CLDN2: variants seen among roughly 807,000 people sequenced by gnomAD.
CLDN2 encodes claudin 2, also known as claudin-2.
A neutral mutation model predicts 8.2 loss-of-function variants in CLDN2; 1 was observed. The observed-to-expected ratio is 0.12, with a 90% confidence interval of 0.04 to 0.58. The LOEUF (loss-of-function observed/expected upper bound fraction) is 0.58. CLDN2 is among the 20% of genes least tolerant of loss of function. The pLI is 0.90. For missense variants in CLDN2, 108 were observed against 172.9 expected (o/e 0.62, Z 2.11); for synonymous variants, 70 against 70.2 (o/e 1.00, Z 0.01).
At chrX:106,912,143 T>G (rs769077723) in intron 1 of CLDN2, among the ~76,000 whole-genome samples, 4 of 109,961 alleles carry the variant, frequency 3.6e-5, no homozygotes, top group African/African-American at 1.3e-4. Flanking sequence ...CTAAGCATAA[T>G]TAAAATTTCA....
At position 106,928,111 on chromosome X, in the gene CLDN2, A is replaced by G. The variant is rs1187775552; in HGVS notation, c.-118A>G. 7.5e-6 allele frequency: 4 copies of G among 529,834 alleles called. No individual in the cohort carries two copies. Among genetic ancestry groups the G allele is most frequent in the Non-Finnish European group, 1.2e-5 (4 of 331,892 alleles). 43.7% of individuals were successfully genotyped at this position (529,834 alleles called of 1,213,427 possible). The stretch of plus-strand genomic sequence containing the variant: ...ACCCACAGACACTTGTAAGGAGGAG[A>G]GAAGTCAGCCTGGCAGAGAGACTCT... On this transcript the variant is annotated 5_prime_UTR_variant, in exon 2 of 2. Transcript: ENST00000336803.
At chrX:106,905,061 A>G (rs1412124100) in intron 1 of CLDN2, among the ~76,000 whole-genome samples, 1 of 112,521 alleles carries the variant, frequency 8.9e-6, no homozygotes, top group Non-Finnish European at 1.9e-5. Context: ...ATAAAAATAA[A>G]CCAACAAAGA....
chrX:106,915,523 G>C (rs897300416), upstream of CLDN2, among the ~76,000 whole-genome samples: 1 of 112,457 alleles, frequency 8.9e-6, no homozygotes, highest in African/African-American at 3.2e-5. Flanking sequence ...CAAAGAATAA[G>C]TCCGGAATTA....
At position 106,901,931 on chromosome X, in the gene CLDN2, C is replaced by T. The variant is rs1933105886; in HGVS notation, c.-179+1427C>T. Among the ~76,000 whole-genome samples the T allele has an allele frequency of 8.9e-6, 1 of 112,045 alleles. No individual in the cohort carries two copies. Among genetic ancestry groups the T allele is most frequent in the Non-Finnish European group, 1.9e-5 (1 of 53,177 alleles). On this transcript the variant is annotated intron_variant, in intron 1 of 1. Transcript: ENST00000541806. ...TGTGGGGCCTGCCCAGATCCCTTGC[C>T]CACTCTGAGCTTTGGTCTCCTCATC... is the stretch of plus-strand genomic sequence containing the variant.
At chrX:106,926,987 G>A (rs1199897967) in intron 1 of CLDN2, among the ~76,000 whole-genome samples, 1 of 109,694 alleles carries the variant, frequency 9.1e-6, no homozygotes, top group Non-Finnish European at 1.9e-5. Context: ...TGGGGCTGAG[G>A]CAGGAGGATC....
At chrX:106,917,992 C>T (rs1351631685), upstream of CLDN2, among the ~76,000 whole-genome samples, 1 of 111,443 alleles carries the variant, frequency 9.0e-6, no homozygotes, top group Non-Finnish European at 1.9e-5. Context: ...CTGAAGGAAA[C>T]ACAGTGTTAG....
intron 1 of CLDN2, among the ~76,000 whole-genome samples, chrX:106,921,226 G>C (rs1933388394): frequency 8.9e-6 from 1 of 112,246 alleles, no homozygotes; most frequent in Non-Finnish European, 1.9e-5. Flanking sequence ...TTACTTTGAT[G>C]ATCAGGACAA....
upstream of CLDN2, chrX:106,920,331 C>T (rs1208238455): frequency 9.5e-6 from 1 of 105,344 alleles, no homozygotes; most frequent in Non-Finnish European, 1.9e-5. Context: ...TTCTAAAGTG[C>T]CTCAATCTTT....
At chrX:106,901,381 A>G (rs1602451274) in intron 1 of CLDN2, 1 of 878,333 alleles carries the variant, frequency 1.1e-6, no homozygotes, top group East Asian at 3.1e-5. Context: ...ATAGATAGCA[A>G]TTCCTCCCCT....
intron 1 of CLDN2, among the ~76,000 whole-genome samples, chrX:106,927,063 C>G (rs895445201): frequency 1.1e-4 from 12 of 111,214 alleles, no homozygotes; most frequent in African/African-American, 3.6e-4. Flanking sequence ...AGCCTGGGTG[C>G]CAAAGTGAGA....
chrX:106,927,997 G>A (rs1933493031), intron 1 of CLDN2, 54 bp from the exon 2 acceptor site: 2 of 323,651 alleles, frequency 6.2e-6, no homozygotes, highest in Non-Finnish European at 1.1e-5. Context: ...AGCGTTTTCT[G>A]GTTTCTCATA....
chrX:106,902,156 C>T, intron 1 of CLDN2: 1 of 1,194,964 alleles, frequency 8.4e-7, no homozygotes, highest in Non-Finnish European at 1.1e-6. Context: ...CACCAGCTTC[C>T]TCATCTGCCT....
chrX:106,906,438 C>T (rs752395260), intron 1 of CLDN2, among the ~76,000 whole-genome samples: 6 of 111,498 alleles, frequency 5.4e-5, no homozygotes, highest in Non-Finnish European at 1.1e-4. Context: ...GAGCATGTTC[C>T]CTTGTCAAGG....
chrX:106,917,075 C>T (rs1317612012), upstream of CLDN2, among the ~76,000 whole-genome samples: 2 of 111,968 alleles, frequency 1.8e-5, no homozygotes, highest in Non-Finnish European at 3.8e-5. Context: ...CAACTTTCAG[C>T]TATCCAAATG....
intron 1 of CLDN2, among the ~76,000 whole-genome samples, chrX:106,909,191 C>T (rs975297289): frequency 4.5e-5 from 5 of 112,175 alleles, no homozygotes; most frequent in East Asian, 2.8e-4. Flanking sequence ...AAGCACTCTG[C>T]GTGAATTAAT....
intron 1 of CLDN2, among the ~76,000 whole-genome samples, chrX:106,921,528 C>T (rs1226457833): frequency 8.9e-6 from 1 of 111,801 alleles, no homozygotes. Context: ...TCATCACCCC[C>T]AGAAGGCCAC....
rs772560741 is a variant in CLDN2 at position 106,900,712 on chromosome X, C to T, written c.-179+208C>T. On this transcript the variant is annotated intron_variant, in intron 1 of 1. Transcript: ENST00000541806. ...GCGCTGTAGGGTATGGACCCTGGTA[C>T]CCTCACACACCCTTCTGGCCCCTTT... 12 of 1,176,560 alleles carry T rather than the reference C, an allele frequency of 1.0e-5. No individual in the cohort carries two copies. The African/African-American group carries it at 2.1e-4, about 21-fold the overall frequency.
At chrX:106,919,204 T>G (rs1933354523), upstream of CLDN2, among the ~76,000 whole-genome samples, 1 of 112,010 alleles carries the variant, frequency 8.9e-6, no homozygotes, top group African/African-American at 3.2e-5. Flanking sequence ...TGATTCAATT[T>G]TATAAAACAA....
intron 1 of CLDN2, 93 bp from the exon 2 acceptor site, chrX:106,927,958 C>G: frequency 2.7e-5 from 6 of 226,324 alleles, no homozygotes; most frequent in Non-Finnish European, 3.2e-5. Context: ...TGTGTTATTT[C>G]TAAAGATAAC....
Sources: allele counts gnomAD v4.1 joint callset (sites outside exome capture counted in the v4.1 genomes callset), GRCh38; gene constraint gnomAD v4.1.1; transcripts MANE v1.5; gene names NCBI Gene and HGNC (gene_info 2026-07-23, HGNC 2026-07-21).